RETREG1: variants seen among roughly 807,000 people sequenced by gnomAD.
RETREG1 encodes family with sequence similarity 134 member B.
RETREG1 carries 44 observed loss-of-function variants against 54.8 expected under a neutral mutation model. The observed-to-expected ratio is 0.80, with a 90% confidence interval of 0.63 to 1.03. The LOEUF (loss-of-function observed/expected upper bound fraction) is 1.03. Among genes scored for constraint, RETREG1 ranks in the 50% least tolerant of loss-of-function variants. RETREG1 has a pLI of 0.00. For synonymous variants in RETREG1, 217 were observed against 238.5 expected (o/e 0.91, Z 0.83); for missense variants, 554 against 605.1 (o/e 0.92, Z 0.89).
At chr5:16,522,784 C>T (rs1233426749) in intron 3 of RETREG1, among the ~76,000 whole-genome samples, 2 of 152,070 alleles carry the variant, frequency 1.3e-5, no homozygotes, top group African/African-American at 2.4e-5. Context: ...GTGGGAGGAT[C>T]GCTTGAGCCC....
At chr5:16,495,945 G>T (rs1278448269) in intron 3 of RETREG1, among the ~76,000 whole-genome samples, 2 of 152,004 alleles carry the variant, frequency 1.3e-5, no homozygotes, top group Non-Finnish European at 2.9e-5. Context: ...GGACTGAGGG[G>T]GTTATCAAAT....
chr5:16,572,205 T>G, intron 1 of RETREG1, 103 bp from the exon 2 acceptor site: 1 of 777,910 alleles, frequency 1.3e-6, no homozygotes, highest in East Asian at 2.7e-5. Context: ...TATTCAATAA[T>G]GATTTCACTT....
rs561976076 is a variant in RETREG1 at position 16,514,388 on chromosome 5, C to T, written c.459-30916G>A. On this transcript the variant is annotated intron_variant, in intron 3 of 8. Transcript: ENST00000306320. ...CCTGCTGGTTCTCAGCACCACCTCA[C>T]GCCACCTGCGTGAGGTTGGTACAGA... 6.6e-5 allele frequency among the ~76,000 whole-genome samples: 10 copies of T among 152,324 alleles called. 1 individual carries two copies. The highest frequency in any genetic ancestry group is 1.9e-4 in the African/African-American group (8 of 41,574).
intron 3 of RETREG1, among the ~76,000 whole-genome samples, chr5:16,507,698 C>T (rs1389669929): frequency 2.0e-5 from 3 of 152,168 alleles, no homozygotes; most frequent in Admixed American, 2.0e-4. Context: ...CAAACATGCC[C>T]CATATACCCA....
intron 3 of RETREG1, among the ~76,000 whole-genome samples, chr5:16,517,327 A>T (rs1256706882): frequency 6.6e-6 from 1 of 152,208 alleles, no homozygotes; most frequent in Non-Finnish European, 1.5e-5. Context: ...TATTGTTCAC[A>T]TGTTTGTTAT....
rs1167610782 is a variant in RETREG1, at chr5:16,585,766, T to C, written c.321-13664A>G. Among the ~76,000 whole-genome samples the C allele has an allele frequency of 6.6e-6, 1 of 152,184 alleles. No individual in the cohort carries two copies. The highest frequency in any genetic ancestry group is 1.9e-4 in the East Asian group (1 of 5,180). On this transcript the variant is annotated intron_variant, in intron 1 of 8. Coordinates refer to ENST00000306320, the MANE Select transcript of RETREG1 (RefSeq NM_001034850.3). The surrounding 1 kb of genome is among the most constrained non-coding windows in gnomAD (Gnocchi z 4.5). ...TTCTCATGAGGCCTCAGAAAGCTTATGATCATGGTGAAAGGTGAAGGGGAA... is the reference window on the plus strand; with the variant it reads ...TTCTCATGAGGCCTCAGAAAGCTTACGATCATGGTGAAAGGTGAAGGGGAA...
intron 3 of RETREG1, among the ~76,000 whole-genome samples, chr5:16,489,424 G>A (rs1489517173): frequency 6.6e-6 from 1 of 152,160 alleles, no homozygotes; most frequent in African/African-American, 2.4e-5. Context: ...CCATTAGGGG[G>A]TTCTGTAAGA....
At position 16,474,622 on chromosome 5, in the gene RETREG1, A is replaced by C; in HGVS notation, c.*119T>G. 3 of 1,275,564 alleles carry C rather than the reference A, an allele frequency of 2.4e-6. No homozygotes were observed. The highest frequency in any genetic ancestry group is 2.0e-4 in the Middle Eastern group (1 of 4,964). 79.0% of individuals were successfully genotyped at this position (1,275,564 alleles called of 1,614,324 possible). On this transcript the variant is annotated 3_prime_UTR_variant, in exon 9 of 9. Transcript: ENST00000306320. ...TTCACTGCAGGAGGGAAAATAAAAC[A>C]AATCTAAAGTAATCATTAAAGCTTA...
chr5:16,545,119 G>C (rs1741350081), intron 3 of RETREG1, among the ~76,000 whole-genome samples: 2 of 152,146 alleles, frequency 1.3e-5, no homozygotes, highest in Admixed American at 6.5e-5. Context: ...CACCTCTCCA[G>C]TATGTGGAGA....
chr5:16,579,671 G>A (rs1380430178), intron 1 of RETREG1, among the ~76,000 whole-genome samples: 5 of 152,120 alleles, frequency 3.3e-5, no homozygotes, highest in African/African-American at 1.2e-4. Flanking sequence ...CCATAGTTTT[G>A]CCTTTTCCAG....
intron 1 of RETREG1, among the ~76,000 whole-genome samples, chr5:16,582,819 C>T (rs1213212484): frequency 2.6e-5 from 4 of 152,188 alleles, no homozygotes; most frequent in East Asian, 3.9e-4. Context: ...TGAGGGCACT[C>T]GTTCCACAAA....
At chr5:16,579,164 T>C (rs1742417526) in intron 1 of RETREG1, among the ~76,000 whole-genome samples, 1 of 152,206 alleles carries the variant, frequency 6.6e-6, no homozygotes, top group Non-Finnish European at 1.5e-5. Context: ...GCAGGATAAA[T>C]AGCACAGCTG....
intron 3 of RETREG1, among the ~76,000 whole-genome samples, chr5:16,534,175 C>A (rs1488929415): frequency 6.6e-6 from 1 of 152,132 alleles, no homozygotes; most frequent in Non-Finnish European, 1.5e-5. Context: ...CTTGGCCGGG[C>A]ATGGTGGCTC....
chr5:16,584,357 G>C (rs1163782992), intron 1 of RETREG1, among the ~76,000 whole-genome samples: 1 of 152,078 alleles, frequency 6.6e-6, no homozygotes, highest in East Asian at 1.9e-4. Flanking sequence ...GATCTTAACG[G>C]TCAAGTAGCA....
In RETREG1 at chr5:16,578,438, A is replaced by G. The variant is rs1394658500; in HGVS notation, c.321-6336T>C. On this transcript the variant is annotated intron_variant, in intron 1 of 8. Transcript: ENST00000306320. Reference sequence around the variant, plus strand: ...AAAATTTTTCTTTAAAAAGTAATTGAACAAAATTGTTTCTAACCGATCTTT... The same window carrying G: ...AAAATTTTTCTTTAAAAAGTAATTGGACAAAATTGTTTCTAACCGATCTTT... Among the ~76,000 whole-genome samples the G allele has an allele frequency of 2.6e-5, 4 of 152,232 alleles. No individual in the cohort carries two copies. In the East Asian group the frequency reaches 7.7e-4, roughly 29 times the overall value.
chr5:16,503,124 T>C (rs1195113016), intron 3 of RETREG1, among the ~76,000 whole-genome samples: 1 of 152,172 alleles, frequency 6.6e-6, no homozygotes, highest in Non-Finnish European at 1.5e-5. Flanking sequence ...AGGGGCGTGA[T>C]TACAGGAAGC....
chr5:16,557,781 T>C (rs987231434), intron 3 of RETREG1, among the ~76,000 whole-genome samples: 3 of 152,222 alleles, frequency 2.0e-5, no homozygotes, highest in Non-Finnish European at 2.9e-5. Context: ...GGCTTACTTA[T>C]AACGCGTATG....
rs1024914158 is a variant in RETREG1 at position 16,501,529 on chromosome 5, A to T, written c.459-18057T>A. ...GTTCATTGGCCTGCAATTTTTATTT[A>T]TTTTTTTATTTTTATTTATTTATTT... On this transcript the variant is annotated intron_variant, in intron 3 of 8. Coordinates refer to ENST00000306320, the MANE Select transcript of RETREG1 (RefSeq NM_001034850.3). Among the ~76,000 whole-genome samples, 334 of 152,014 alleles carry T rather than the reference A, an allele frequency of 2.2e-3. 3 individuals are homozygous for T. Among genetic ancestry groups the T allele is most frequent in the Non-Finnish European group, 3.9e-3 (266 of 67,960 alleles).
intron 3 of RETREG1, among the ~76,000 whole-genome samples, chr5:16,508,308 G>A (rs775412792): frequency 6.6e-6 from 1 of 152,148 alleles, no homozygotes; most frequent in African/African-American, 2.4e-5. Context: ...ATTATGTGCT[G>A]GGAAACACTT....
Sources: allele counts gnomAD v4.1 joint callset (sites outside exome capture counted in the v4.1 genomes callset), GRCh38; gene constraint gnomAD v4.1.1; non-coding constraint Gnocchi (gnomAD v3.1); transcripts MANE v1.5; gene names NCBI Gene and HGNC (gene_info 2026-07-23, HGNC 2026-07-21).